The following CUBN variants were observed in gnomAD, a reference collection of about 807,000 sequenced individuals.
The protein encoded by CUBN is 460 kDa receptor.
Under a neutral mutation model 405.3 loss-of-function variants are expected in CUBN, and 282 were observed. The observed-to-expected ratio is 0.70, with a 90% CI of 0.63 to 0.77. CUBN has a LOEUF of 0.77. Among genes scored for constraint, CUBN ranks in the 30% least tolerant of loss-of-function variants. The pLI is 0.00. For missense variants in CUBN, 4,514 were observed against 4,475.2 expected, an observed-to-expected ratio of 1.01 and a Z score of -0.25; for synonymous variants, 1,684 against 1,617.0, an observed-to-expected ratio of 1.04 and a Z score of -0.99.
At chr10:16,837,972 C>T (rs147733357) in intron 62 of CUBN, among the ~76,000 whole-genome samples, 33 of 152,242 alleles carry the variant, frequency 2.2e-4, no homozygotes, top group East Asian at 7.7e-4. Context: ...GTCTTAGCTT[C>T]GTGAAGCCAG....
At chr10:17,120,292 C>A (rs1209383244) in intron 6 of CUBN, among the ~76,000 whole-genome samples, 2 of 152,098 alleles carry the variant, frequency 1.3e-5, no homozygotes, top group Non-Finnish European at 2.9e-5. Context: ...TTTTCATTTT[C>A]TTTTATTCCC....
intron 59 of CUBN, among the ~76,000 whole-genome samples, chr10:16,866,015 C>T (rs1840173173): frequency 6.6e-6 from 1 of 152,102 alleles, no homozygotes; most frequent in South Asian, 2.1e-4. Flanking sequence ...TCTTCCCCAT[C>T]TGTCTTCCTG....
chr10:16,842,487 C>T (rs1465593850), intron 60 of CUBN, among the ~76,000 whole-genome samples: 1 of 152,132 alleles, frequency 6.6e-6, no homozygotes, highest in Non-Finnish European at 1.5e-5. Flanking sequence ...TGTTTCAAGC[C>T]TACAACTTTA....
intron 27 of CUBN, among the ~76,000 whole-genome samples, chr10:17,031,008 T>A (rs1442603594): frequency 6.6e-6 from 1 of 152,176 alleles, no homozygotes; most frequent in Non-Finnish European, 1.5e-5. Flanking sequence ...ACCAAAACAA[T>A]TTTTAAAATG....
At chr10:16,990,200 A>G in intron 29 of CUBN, 134 bp downstream of exon 29, 2 of 891,028 alleles carry the variant, frequency 2.2e-6, no homozygotes, top group Non-Finnish European at 3.7e-6. Flanking sequence ...TGATCACCGA[A>G]GGGCTGATGC....
intron 22 of CUBN, among the ~76,000 whole-genome samples, chr10:17,063,366 C>T (rs965261465): frequency 2.6e-5 from 4 of 152,196 alleles, no homozygotes; most frequent in African/African-American, 9.6e-5. Flanking sequence ...ACTCCCTCGT[C>T]TGTGATTTCA....
At position 16,829,001 on chromosome 10, in the gene CUBN, G is replaced by A. The variant is rs1205599688; in HGVS notation, c.10568C>T (p.Thr3523Ile). 1.2e-6 allele frequency: 2 copies of A among 1,614,170 alleles called. No homozygotes were observed. The highest frequency in any genetic ancestry group is 1.7e-6 in the Non-Finnish European group (2 of 1,180,032). The change falls in exon 66 of 67, where the codon ACC becomes ATC. Residue 3523 changes from threonine (T) to isoleucine (I), a missense_variant. Thr to Ile is a moderately conservative substitution (Grantham distance 89, BLOSUM62 -1). Around this residue, in one of 5 missense-constraint regions of CUBN, gnomAD observed 1,186 missense variants for 1,186.9 expected, o/e 1.00. Coordinates refer to ENST00000377833, the MANE Select transcript of CUBN (RefSeq NM_001081.4). Reference protein sequence around the residue: ...GTLYGDRGSFTSPGYPGTYPN... With the variant: ...GTLYGDRGSFISPGYPGTYPN... The stretch of plus-strand genomic sequence containing the variant: ...GTATGTGCCTGGATAGCCGGGGCTG[G>A]TGAATGAGCCTCTGTCTCCATAAAG...
chr10:17,119,689 A>C (rs893149796), intron 6 of CUBN, among the ~76,000 whole-genome samples: 1 of 152,152 alleles, frequency 6.6e-6, no homozygotes, highest in Non-Finnish European at 1.5e-5. Context: ...CAAAGTGAGC[A>C]GGGAAACAAC....
chr10:16,985,783 C>A (rs954647475), intron 29 of CUBN, among the ~76,000 whole-genome samples: 1 of 152,246 alleles, frequency 6.6e-6, no homozygotes. Flanking sequence ...GGTCAGGGAA[C>A]TCTCTTGTTT....
chr10:17,031,610 C>T (rs985734595), intron 27 of CUBN, among the ~76,000 whole-genome samples: 1 of 152,170 alleles, frequency 6.6e-6, no homozygotes, highest in Admixed American at 6.5e-5. Context: ...CTCTTGCGAA[C>T]GAGTGCTAGA....
chr10:17,123,713 A>T, intron 4 of CUBN, 24 bp from the exon 5 acceptor site: 1 of 1,548,476 alleles, frequency 6.5e-7, no homozygotes, highest in Non-Finnish European at 8.9e-7. Flanking sequence ...AGGACAGTCA[A>T]TGAGATGACT....
intron 27 of CUBN, among the ~76,000 whole-genome samples, chr10:17,021,919 C>T (rs1173144574): frequency 6.6e-6 from 1 of 152,170 alleles, no homozygotes; most frequent in Non-Finnish European, 1.5e-5. Flanking sequence ...TCTGGCCTTC[C>T]CCTCACTGCC....
chr10:17,004,679 T>TC (rs552959955), intron 28 of CUBN, among the ~76,000 whole-genome samples: 23 of 151,602 alleles, frequency 1.5e-4, no homozygotes, highest in African/African-American at 5.3e-4. Flanking sequence ...TAGCTCTTTT[T>TC]TTTTTTTTTT....
Position 16,938,976 on chromosome 10 carries a change from T to G in CUBN, c.5720A>C (p.Tyr1907Ser), listed in dbSNP as rs934762690. The G allele has an allele frequency of 6.2e-7, 1 of 1,613,348 alleles. No individual in the cohort carries two copies. The highest frequency in any genetic ancestry group is 1.7e-5 in the Admixed American group (1 of 60,020). Residue 1907 changes from tyrosine to serine, a missense_variant, in exon 38 of 67, where the codon TAT becomes TCT. This residue lies in a region of CUBN where 1,613 missense variants were observed against 1,542.8 expected (regional missense o/e 1.05). Transcript: ENST00000377833. ...MDIEEIQNCY[Y>S]DKLRIYDGPS... is the part of the protein sequence containing the mutation. Reference sequence around the variant, plus strand: ...GTGGAAACTCACCCTTAATTTGTCATAATAGCAGTTTTGTATTTCTTCTAT... The same window carrying G: ...GTGGAAACTCACCCTTAATTTGTCAGAATAGCAGTTTTGTATTTCTTCTAT...
intron 7 of CUBN, 63 bp downstream of exon 7, chr10:17,115,408 G>A: frequency 2.5e-6 from 4 of 1,586,122 alleles, no homozygotes; most frequent in Non-Finnish European, 3.5e-6. Context: ...AGTGGGCATA[G>A]GAGGAGGAGG....
At chr10:16,827,801 A>T (rs774399075) in intron 66 of CUBN, among the ~76,000 whole-genome samples, 1 of 152,216 alleles carries the variant, frequency 6.6e-6, no homozygotes, top group Non-Finnish European at 1.5e-5. Flanking sequence ...GGGTTTCCCC[A>T]TGTTGGCCAG....
In CUBN at chr10:16,839,605, G is replaced by T. The variant is rs9423954; in HGVS notation, c.10032+725C>A. Among the ~76,000 whole-genome samples the T allele has an allele frequency of 2.1e-4, 20 of 93,974 alleles. 4 individuals carry two copies. The highest frequency in any genetic ancestry group is 3.0e-4 in the African/African-American group (12 of 39,548). The allele number at this position is 93,974 out of a possible 152,430, so 61.7% of individuals were successfully genotyped here. A position where few individuals can be genotyped will look rare whatever the true frequency, so the allele number is the denominator to read the frequency against. On this transcript the variant is annotated intron_variant, in intron 62 of 66. Coordinates refer to ENST00000377833, the MANE Select transcript of CUBN (RefSeq NM_001081.4). ...GGATGTGGAGAAATAGGAACGCTTT[G>T]ACACTGTTGGTGGAACTGTAAACTA...
chr10:17,046,170 T>A, intron 23 of CUBN, 76 bp from the exon 24 acceptor site: 2 of 1,384,380 alleles, frequency 1.4e-6, no homozygotes, highest in South Asian at 2.3e-5. Context: ...TAATTTGAAC[T>A]TTGGGATTGC....
chr10:16,842,273 A>G (rs1421679424), intron 60 of CUBN, among the ~76,000 whole-genome samples: 3 of 152,016 alleles, frequency 2.0e-5, no homozygotes, highest in Admixed American at 6.5e-5. Flanking sequence ...TGCTTATTTC[A>G]TTGGCTTTCT....
Sources: gnomAD v4.1 joint callset for allele counts (sites outside exome capture counted in the v4.1 genomes callset) on GRCh38, gnomAD v4.1.1 for gene constraint, gnomAD v4.1.1 regional missense constraint, MANE v1.5 for transcripts, NCBI Gene and HGNC (gene_info 2026-07-23, HGNC 2026-07-21) for gene names.